Variants in FCER2 observed in about 807,000 individuals in gnomAD.
FCER2 encodes the protein low affinity immunoglobulin epsilon Fc receptor.
A neutral mutation model predicts 49.7 loss-of-function variants in FCER2; 38 were observed. That is an observed-to-expected ratio of 0.76 (90% CI 0.59 to 1.00). The LOEUF (loss-of-function observed/expected upper bound fraction) is 1.00, where lower values mean the gene tolerates loss of function less well. Ranked by LOEUF, FCER2 falls within the 50% of genes least tolerant of loss-of-function variation. The probability of loss-of-function intolerance (pLI) is 0.00; values close to 1 mark genes in which losing one functional copy is unlikely to be tolerated. For synonymous variants in FCER2, 163 were observed against 164.6 expected, an observed-to-expected ratio of 0.99 and a Z score of 0.07; for missense variants, 425 against 419.5, an observed-to-expected ratio of 1.01 and a Z score of -0.11.
intron 8 of FCER2, among the ~76,000 whole-genome samples, chr19:7,691,197 A>G (rs997344073): frequency 1.3e-5 from 2 of 152,310 alleles, no homozygotes; most frequent in Middle Eastern, 3.4e-3. Flanking sequence ...CACCATGACC[A>G]GAAATGCATT....
chr19:7,698,672 G>A (rs2033081333), intron 3 of FCER2, 69 bp downstream of exon 3: 2 of 1,566,900 alleles, frequency 1.3e-6, no homozygotes, highest in Non-Finnish European at 1.7e-6. Flanking sequence ...TCTGAGATGG[G>A]GGTGAAGGAG....
rs1178243294 is a variant in FCER2, at chr19:7,700,095, C to T, written c.-85-250G>A. ...AGCAGGTGCACCCATGAGATCTTGA[C>T]AAATGGCTTAATTAACCTGGAAACT... On this transcript the variant is annotated intron_variant, in intron 1 of 10. Coordinates refer to ENST00000597921, the MANE Select transcript of FCER2 (RefSeq NM_001220500.2). 4 of 335,882 alleles carry T rather than the reference C, an allele frequency of 1.2e-5. No homozygotes were observed. In the Admixed American group the frequency reaches 1.8e-4, roughly 15 times the overall value. 20.8% of individuals were successfully genotyped at this position (335,882 alleles called of 1,614,324 possible). A position where few individuals can be genotyped will look rare whatever the true frequency, so the allele number is the denominator to read the frequency against.
In FCER2 at chr19:7,697,530, G is replaced by A. The variant is rs866074528; in HGVS notation, c.250C>T (p.Gln84Ter). 1 of 1,613,712 alleles carries A rather than the reference G, an allele frequency of 6.2e-7. No homozygotes were observed. Among genetic ancestry groups the A allele is most frequent in the Non-Finnish European group, 8.5e-7 (1 of 1,179,658 alleles). Residue 84 changes from glutamine to a stop codon, truncating the protein, a stop_gained, in exon 5 of 11, where the codon CAG becomes TAG. Coordinates refer to ENST00000597921, the MANE Select transcript of FCER2 (RefSeq NM_001220500.2). LOFTEE classifies it high-confidence loss of function. ...CCCAACTCCAGGAGTCACTCACACTGGGATTTCTGCGCCATCTGGTCACCG... is the reference window on the plus strand; with the variant it reads ...CCCAACTCCAGGAGTCACTCACACTAGGATTTCTGCGCCATCTGGTCACCG... ...HHGDQMAQKS[Q>*]STQISQELEE...
At position 7,697,266 on chromosome 19, in the gene FCER2, G is replaced by T; in HGVS notation, c.286C>A (p.Arg96=). ...TQISQELEEL[R]AEQQRLKSQD... is the part of the protein sequence containing the mutation. ...GATTTCAATCTCTGCTGTTCAGCTC[G>T]AAGTTCCTCCAGTTCCTGTGAAATC... Residue 96 remains arginine, a synonymous_variant, in exon 6 of 11, where the codon CGA becomes AGA. Transcript: ENST00000597921. 1 of 1,614,182 alleles carries T rather than the reference G, an allele frequency of 6.2e-7. No homozygotes were observed. Among genetic ancestry groups the T allele is most frequent in the Non-Finnish European group, 8.5e-7 (1 of 1,180,026 alleles).
At chr19:7,689,898 G>A (rs1568486170) in intron 10 of FCER2, among the ~76,000 whole-genome samples, 1 of 151,898 alleles carries the variant, frequency 6.6e-6, no homozygotes, top group Non-Finnish European at 1.5e-5. Context: ...TGACAGGCAC[G>A]AGCCACCCTG....
At chr19:7,697,436 G>A (rs996511866) in intron 5 of FCER2, 91 bp downstream of exon 5, 1 of 1,467,622 alleles carries the variant, frequency 6.8e-7, no homozygotes, top group South Asian at 1.1e-5. Context: ...TCGGGGGTGG[G>A]GCACAGTGAG....
intron 10 of FCER2, 126 bp from the exon 11 acceptor site, chr19:7,689,556 C>T (rs973200988): frequency 1.6e-5 from 10 of 616,872 alleles, no homozygotes; most frequent in African/African-American, 3.7e-5. Flanking sequence ...GCCTGGGGAC[C>T]GGTACCTCAT....
At chr19:7,698,296 G>A (rs1349497377) in intron 4 of FCER2, 60 bp downstream of exon 4, 2 of 1,196,172 alleles carry the variant, frequency 1.7e-6, no homozygotes, top group Non-Finnish European at 1.2e-6. Context: ...GAGAGGAGCG[G>A]GATGAGTGCT....
intron 1 of FCER2, among the ~76,000 whole-genome samples, chr19:7,701,373 C>T (rs1343416124): frequency 6.6e-6 from 1 of 152,066 alleles, no homozygotes; most frequent in Non-Finnish European, 1.5e-5. Context: ...GACCTGAGTC[C>T]GAGTCCTGGC....
intron 10 of FCER2, among the ~76,000 whole-genome samples, 179 bp from the exon 11 acceptor site, chr19:7,689,609 A>ATTTG (rs895536000): frequency 9.3e-5 from 14 of 151,214 alleles, no homozygotes; most frequent in Admixed American, 2.0e-4. Context: ...ACCCTTATTT[A>ATTTG]TTTGTTTGTT....
Position 7,688,972 on chromosome 19 carries a change from CT to C in FCER2, c.*220del, listed in dbSNP as rs1599429853. 3 of 568,940 alleles carry C rather than the reference CT, an allele frequency of 5.3e-6. No homozygotes were observed. In the East Asian group the frequency reaches 8.6e-5, roughly 16 times the overall value. 35.2% of individuals were successfully genotyped at this position (568,940 alleles called of 1,614,324 possible). A position where few individuals can be genotyped will look rare whatever the true frequency, so the allele number is the denominator to read the frequency against. ...CTGGAGAGGGTGCTGTTGGGGTGTA[CT>C]CTCATCTGGAGAGGGTGCTGTTGGG... On this transcript the variant is annotated 3_prime_UTR_variant, in exon 11 of 11. Transcript: ENST00000597921.
Sources: allele counts gnomAD v4.1 joint callset (sites outside exome capture counted in the v4.1 genomes callset), GRCh38; gene constraint gnomAD v4.1.1; transcripts MANE v1.5; gene names NCBI Gene and HGNC (gene_info 2026-07-23, HGNC 2026-07-21).